HOOK3: variants seen among roughly 807,000 people sequenced by gnomAD.
The protein encoded by HOOK3 is hook microtubule tethering protein 3, also known as protein Hook homolog 3.
In HOOK3, 24 loss-of-function variants were observed where a neutral mutation model predicts 116.3. That is an observed-to-expected ratio of 0.21 (90% CI 0.15 to 0.29). HOOK3 has a LOEUF of 0.29. Among genes scored for constraint, HOOK3 ranks in the 10% least tolerant of loss-of-function variants. The pLI is 1.00. For synonymous variants in HOOK3, 275 were observed against 283.0 expected (o/e 0.97, Z 0.28); for missense variants, 632 against 830.2 (o/e 0.76, Z 2.93).
At chr8:42,984,472 C>T (rs1232509300) in intron 14 of HOOK3, among the ~76,000 whole-genome samples, 1 of 151,936 alleles carries the variant, frequency 6.6e-6, no homozygotes, top group Non-Finnish European at 1.5e-5. Context: ...TGATATGCTA[C>T]TTTATAATTG....
chr8:42,985,755 G>C (rs1416965693), intron 14 of HOOK3, among the ~76,000 whole-genome samples: 1 of 151,146 alleles, frequency 6.6e-6, no homozygotes, highest in Admixed American at 6.6e-5. Flanking sequence ...AAAAAAAAAA[G>C]TCCATGTTGC....
intron 8 of HOOK3, 45 bp from the exon 9 acceptor site, chr8:42,964,266 A>G: frequency 6.3e-7 from 1 of 1,578,804 alleles, no homozygotes. Context: ...AGCTGATGCC[A>G]GTGTAGTTGG....
rs1809644329 is a variant in HOOK3, at chr8:43,013,131, A to G, written c.1920A>G (p.Arg640=). The change falls in exon 20 of 22, where the codon CGA becomes CGG. Residue 640 remains arginine (R), a synonymous_variant. Transcript: ENST00000307602. The part of the protein sequence containing the change: ...IQALKNQLQE[R]DRLFHSLEKE... ...CTCTTAAAAATCAGCTCCAGGAACG[A>G]GACCGACTGTTCCACTCATTAGAGG... 6.2e-7 allele frequency: 1 copy of G among 1,610,514 alleles called. No homozygotes were observed. Among genetic ancestry groups the G allele is most frequent in the African/African-American group, 1.3e-5 (1 of 74,862 alleles).
At chr8:42,917,840 T>C (rs1807562471) in intron 2 of HOOK3, among the ~76,000 whole-genome samples, 1 of 152,224 alleles carries the variant, frequency 6.6e-6, no homozygotes, top group South Asian at 2.1e-4. Context: ...CTGTATTGTT[T>C]ATTTTGACTT....
chr8:42,920,284 G>T (rs1393324702), intron 2 of HOOK3, among the ~76,000 whole-genome samples: 1 of 152,134 alleles, frequency 6.6e-6, no homozygotes, highest in Admixed American at 6.5e-5. Flanking sequence ...ATTCGAGCCT[G>T]CGACCATTAA....
intron 7 of HOOK3, among the ~76,000 whole-genome samples, chr8:42,958,980 C>T (rs371412536): frequency 3.0e-4 from 45 of 151,388 alleles, no homozygotes; most frequent in Middle Eastern, 3.4e-3. Flanking sequence ...TCAAAAAAGA[C>T]GCATAAGAAA....
rs34161624 is a variant in HOOK3, at chr8:43,021,104, GAAAAAAAAA to G, written c.*2627_*2635del. ...CGACAAGAGCGAAACTCTGTCGCAAGAAAAAAAAAAAAAAAAAAAAAAAAAAAAACAGTC... is the reference window on the plus strand; with the variant it reads ...CGACAAGAGCGAAACTCTGTCGCAAGAAAAAAAAAAAAAAAAAAAACAGTC... On this transcript the variant is annotated 3_prime_UTR_variant, in exon 22 of 22. Coordinates refer to ENST00000307602, the MANE Select transcript of HOOK3 (RefSeq NM_032410.4). 5 of 32,278 alleles carry G rather than the reference GAAAAAAAAA, an allele frequency of 1.5e-4. No homozygotes were observed. Among genetic ancestry groups the G allele is most frequent in the East Asian group, 7.1e-4 (1 of 1,402 alleles). 2.0% of individuals were successfully genotyped at this position (32,278 alleles called of 1,614,324 possible).
intron 16 of HOOK3, 59 bp downstream of exon 16, chr8:42,997,696 T>C: frequency 2.2e-6 from 2 of 906,228 alleles, no homozygotes; most frequent in Non-Finnish European, 3.6e-6. Flanking sequence ...AGAAATAACT[T>C]TTATTTTTTA....
chr8:42,992,091 T>C (rs1349810260), intron 15 of HOOK3, among the ~76,000 whole-genome samples: 1 of 152,174 alleles, frequency 6.6e-6, no homozygotes, highest in African/African-American at 2.4e-5. Flanking sequence ...TTGTTTGCTG[T>C]TGGCCTATAG....
In HOOK3 at chr8:43,009,817, C is replaced by G. The variant is rs192590741; in HGVS notation, c.1739-488C>G. On this transcript the variant is annotated intron_variant, in intron 18 of 21. Transcript: ENST00000307602. Reference sequence around the variant, plus strand: ...TTCTCTATCATTAAACAATAACTCTCCCTTCCTTCCTCTCCCCAGCCGCTA... The same window carrying G: ...TTCTCTATCATTAAACAATAACTCTGCCTTCCTTCCTCTCCCCAGCCGCTA... 5.3e-5 allele frequency among the ~76,000 whole-genome samples: 8 copies of G among 152,260 alleles called. No individual in the cohort carries two copies. In the East Asian group the frequency reaches 1.5e-3, roughly 29 times the overall value.
chr8:42,928,151 C>T (rs1184367599), intron 3 of HOOK3, among the ~76,000 whole-genome samples: 5 of 152,108 alleles, frequency 3.3e-5, no homozygotes, highest in East Asian at 1.9e-4. Flanking sequence ...TGGTGTTGCA[C>T]GCCTATAGTC....
chr8:42,973,762 C>T (rs1266399556), intron 12 of HOOK3, among the ~76,000 whole-genome samples: 1 of 152,106 alleles, frequency 6.6e-6, no homozygotes, highest in Non-Finnish European at 1.5e-5. Context: ...AAAAATATTT[C>T]TACTTTTTCA....
rs200385659 is a variant in HOOK3 at position 42,968,229 on chromosome 8, G to T, written c.1122+15G>T. ...ACAAGAGACAGGTAAAAGAAACACA[G>T]CATCTTGATGATGGTTTCAGGCAAG... On this transcript the variant is annotated intron_variant, in intron 11 of 21. Coordinates refer to ENST00000307602, the MANE Select transcript of HOOK3 (RefSeq NM_032410.4). The T allele has an allele frequency of 2.7e-4, 434 of 1,584,898 alleles. No individual in the cohort carries two copies. Among genetic ancestry groups the T allele is most frequent in the Non-Finnish European group, 3.5e-4 (400 of 1,157,864 alleles).
At chr8:42,991,167 G>A (rs1457628870) in intron 15 of HOOK3, among the ~76,000 whole-genome samples, 3 of 152,084 alleles carry the variant, frequency 2.0e-5, no homozygotes, top group Admixed American at 1.3e-4. Context: ...TTTTATGTAA[G>A]TGCCATGCTG....
chr8:42,899,335 C>G (rs1233213543), intron 1 of HOOK3, among the ~76,000 whole-genome samples: 1 of 152,128 alleles, frequency 6.6e-6, no homozygotes, highest in African/African-American at 2.4e-5. Context: ...TGAAATGTCA[C>G]TGGAAACTCA....
At chr8:42,996,385 CAAAA>C (rs529268164) in intron 15 of HOOK3, among the ~76,000 whole-genome samples, 2 of 55,946 alleles carry the variant, frequency 3.6e-5, no homozygotes, top group African/African-American at 5.8e-5. Flanking sequence ...GACTCCGTCT[CAAAA>C]AAAAAAAAAA....
At chr8:43,007,345 C>T (rs922213615) in intron 17 of HOOK3, among the ~76,000 whole-genome samples, 2 of 152,218 alleles carry the variant, frequency 1.3e-5, no homozygotes, top group Non-Finnish European at 2.9e-5. Flanking sequence ...ACTAGCCACA[C>T]AGCTGATCTG....
In HOOK3 at chr8:43,023,924, T is replaced by C. The variant is rs1376624925; in HGVS notation, c.*5426T>C. 1 of 199,850 alleles carries C rather than the reference T, an allele frequency of 5.0e-6. No homozygotes were observed. The highest frequency in any genetic ancestry group is 1.0e-5 in the Non-Finnish European group (1 of 96,986). 12.4% of individuals were successfully genotyped at this position (199,850 alleles called of 1,614,324 possible). ...AGTCTTTATCCCAATATAAGAATTA[T>C]CTTGAAACAAAAATCTAAATTACTT... On this transcript the variant is annotated 3_prime_UTR_variant, in exon 22 of 22. Coordinates refer to ENST00000307602, the MANE Select transcript of HOOK3 (RefSeq NM_032410.4).
In HOOK3 at chr8:42,982,703, A is replaced by G; in HGVS notation, c.1391+7A>G. Reference sequence around the variant, plus strand: ...TTGTTACACCTGAAATCAGGTAAGGAGATTGTGGTGTTCACACTTACACTG... The same window carrying G: ...TTGTTACACCTGAAATCAGGTAAGGGGATTGTGGTGTTCACACTTACACTG... On this transcript the variant is annotated splice_region_variant and intron_variant, in intron 14 of 21. Transcript: ENST00000307602. 6.3e-7 allele frequency: 1 copy of G among 1,597,368 alleles called. No homozygotes were observed.
Sources: gnomAD v4.1 joint callset for allele counts (sites outside exome capture counted in the v4.1 genomes callset) on GRCh38, gnomAD v4.1.1 for gene constraint, MANE v1.5 for transcripts, NCBI Gene and HGNC (gene_info 2026-07-23, HGNC 2026-07-21) for gene names.